Variants in NELL1 observed in about 807,000 individuals in gnomAD.
NELL1 encodes the protein neural EGFL like 1.
A neutral mutation model predicts 107.4 loss-of-function variants in NELL1; 76 were observed. That is an observed-to-expected ratio of 0.71 (90% confidence interval 0.59 to 0.86). The LOEUF (loss-of-function observed/expected upper bound fraction) is 0.86, where lower values mean the gene tolerates loss of function less well. NELL1 is among the 40% of genes least tolerant of loss of function. The pLI, the probability that NELL1 is intolerant of heterozygous loss-of-function variation, is 0.00. For synonymous variants in NELL1, 353 were observed against 341.2 expected, an observed-to-expected ratio of 1.03 and a Z score of -0.38; for missense variants, 1,024 against 1,005.5, an observed-to-expected ratio of 1.02 and a Z score of -0.25.
rs574392805 is a variant in NELL1, at chr11:20,777,592, G to A, written c.185-6088G>A. ...CACTGATGGTTGGCAGTTCTGAATT[G>A]ACAAATTTCCTCTACATTCAGAAAT... On this transcript the variant is annotated intron_variant, in intron 2 of 19. Transcript: ENST00000357134. Among the ~76,000 whole-genome samples, 7 of 152,264 alleles carry A rather than the reference G, an allele frequency of 4.6e-5. No homozygotes were observed. The East Asian group carries it at 1.4e-3, about 29-fold the overall frequency.
intron 13 of NELL1, among the ~76,000 whole-genome samples, chr11:21,139,675 G>T (rs988602689): frequency 6.6e-6 from 1 of 152,138 alleles, no homozygotes; most frequent in South Asian, 2.1e-4. Flanking sequence ...ATAAACATTT[G>T]TTCACATTGT....
At chr11:21,331,781 A>T (rs1421079224) in intron 14 of NELL1, among the ~76,000 whole-genome samples, 1 of 152,068 alleles carries the variant, frequency 6.6e-6, no homozygotes, top group African/African-American at 2.4e-5. Context: ...GTTCACTCTG[A>T]TAAACTAGCT....
chr11:21,397,327 G>T (rs1276056214), intron 15 of NELL1, among the ~76,000 whole-genome samples: 2 of 151,382 alleles, frequency 1.3e-5, no homozygotes, highest in South Asian at 2.1e-4. Flanking sequence ...ACCTCTTAAA[G>T]CTTCCATTGA....
intron 3 of NELL1, among the ~76,000 whole-genome samples, chr11:20,794,094 T>C (rs1017099583): frequency 6.6e-6 from 1 of 152,218 alleles, no homozygotes; most frequent in Non-Finnish European, 1.5e-5. Flanking sequence ...GTAGGTATTG[T>C]AATTATCATT....
At chr11:21,095,425 T>A (rs1287281921) in intron 12 of NELL1, among the ~76,000 whole-genome samples, 1 of 152,198 alleles carries the variant, frequency 6.6e-6, no homozygotes, top group Non-Finnish European at 1.5e-5. Context: ...TTTTTGGGTA[T>A]CTTTTCAGCA....
At chr11:20,951,302 AT>A (rs1042610763) in intron 11 of NELL1, among the ~76,000 whole-genome samples, 3 of 151,812 alleles carry the variant, frequency 2.0e-5, no homozygotes, top group Non-Finnish European at 4.4e-5. Context: ...TATGAAGTTA[AT>A]TTTTTTTTAA....
chr11:21,238,097 A>C (rs1554986057), intron 14 of NELL1, among the ~76,000 whole-genome samples: 1 of 152,020 alleles, frequency 6.6e-6, no homozygotes, highest in Non-Finnish European at 1.5e-5. Context: ...TTCACATAGT[A>C]GACTTCTCAT....
At chr11:20,705,047 C>T (rs7943188) in intron 2 of NELL1, among the ~76,000 whole-genome samples, 29,626 of 151,874 alleles carry the variant, frequency 0.2, 3,197 homozygotes, top group African/African-American at 0.25. Context: ...TCCATGCTCA[C>T]GGGTAGGAAG....
At chr11:21,046,030 T>C (rs1010991336) in intron 12 of NELL1, among the ~76,000 whole-genome samples, 4 of 152,210 alleles carry the variant, frequency 2.6e-5, no homozygotes. Flanking sequence ...AAGGATGCTA[T>C]TGATTTCTGT....
chr11:21,435,095 T>A (rs1473625165), intron 15 of NELL1, among the ~76,000 whole-genome samples: 1 of 151,342 alleles, frequency 6.6e-6, no homozygotes, highest in East Asian at 1.9e-4. Context: ...GTTTGTGGGG[T>A]TTTCTATGTA....
At chr11:20,806,769 T>TTCAAATACCCTGTCTTC (rs1335374130) in intron 3 of NELL1, among the ~76,000 whole-genome samples, 1 of 152,184 alleles carries the variant, frequency 6.6e-6, no homozygotes, top group Non-Finnish European at 1.5e-5. Flanking sequence ...GCTCTGTCTT[T>TTCAAATACCCTGTCTTC]TCAAATACCC....
chr11:21,129,386 T>G (rs987929298), intron 13 of NELL1, among the ~76,000 whole-genome samples: 2 of 152,124 alleles, frequency 1.3e-5, no homozygotes, highest in Non-Finnish European at 2.9e-5. Flanking sequence ...TAGAATTAAA[T>G]GATCTGGCGA....
At chr11:21,146,991 C>T (rs1855995718) in intron 13 of NELL1, among the ~76,000 whole-genome samples, 1 of 152,174 alleles carries the variant, frequency 6.6e-6, no homozygotes, top group African/African-American at 2.4e-5. Context: ...TTGCAGTGAG[C>T]CAAGATTGCA....
At chr11:21,059,915 C>A (rs7947369) in intron 12 of NELL1, among the ~76,000 whole-genome samples, 51,543 of 151,932 alleles carry the variant, frequency 0.34, 8,951 homozygotes, top group East Asian at 0.42. Flanking sequence ...ATTATTTAAA[C>A]TAGAGAAAGT....
intron 13 of NELL1, among the ~76,000 whole-genome samples, chr11:21,156,508 C>A (rs1856238212): frequency 6.6e-6 from 1 of 152,064 alleles, no homozygotes; most frequent in East Asian, 1.9e-4. Context: ...GTTTGAAGAG[C>A]AGGTGTAGTT....
intron 14 of NELL1, among the ~76,000 whole-genome samples, chr11:21,309,134 A>G (rs1439300510): frequency 6.6e-6 from 1 of 151,064 alleles, no homozygotes; most frequent in East Asian, 2.0e-4. Context: ...AGCTGGACAG[A>G]GAAAGTTAAT....
intron 3 of NELL1, among the ~76,000 whole-genome samples, chr11:20,806,366 C>T (rs1487507702): frequency 6.6e-6 from 1 of 152,018 alleles, no homozygotes; most frequent in African/African-American, 2.4e-5. Context: ...ATACTTCTGT[C>T]TCGTGGCCAG....
chr11:20,980,243 A>G (rs554649661), intron 12 of NELL1, among the ~76,000 whole-genome samples: 244 of 152,292 alleles, frequency 1.6e-3, no homozygotes, highest in African/African-American at 5.5e-3. Context: ...CACAGCAGAC[A>G]TTGTGTTGGG....
At chr11:20,834,501 C>G (rs1848493473) in intron 3 of NELL1, among the ~76,000 whole-genome samples, 1 of 151,884 alleles carries the variant, frequency 6.6e-6, no homozygotes, top group African/African-American at 2.4e-5. Context: ...TGTAAAAAAG[C>G]ACCCTCCTGG....
Sources: allele counts gnomAD v4.1 joint callset (sites outside exome capture counted in the v4.1 genomes callset), GRCh38; gene constraint gnomAD v4.1.1; transcripts MANE v1.5; gene names NCBI Gene and HGNC (gene_info 2026-07-23, HGNC 2026-07-21).